The following RIPOR1 variants were observed in gnomAD, a reference collection of about 807,000 sequenced individuals.
RIPOR1 encodes rho family-interacting cell polarization regulator 1.
RIPOR1 carries 58 observed loss-of-function variants against 116.5 expected under a neutral mutation model. The observed-to-expected ratio is 0.50, with a 90% CI of 0.40 to 0.62. The LOEUF (loss-of-function observed/expected upper bound fraction) is 0.62. RIPOR1 is among the 20% of genes least tolerant of loss of function. The probability of loss-of-function intolerance (pLI) is 0.00; values close to 1 mark genes in which losing one functional copy is unlikely to be tolerated. For missense variants in RIPOR1, 1,372 were observed against 1,586.2 expected, an observed-to-expected ratio of 0.86 and a Z score of 2.29; for synonymous variants, 605 against 650.0, an observed-to-expected ratio of 0.93 and a Z score of 1.05.
intron 1 of RIPOR1, among the ~76,000 whole-genome samples, chr16:67,518,982 G>C (rs1466234328): frequency 6.6e-6 from 1 of 152,202 alleles, no homozygotes; most frequent in Non-Finnish European, 1.5e-5. Context: ...AAGAGGAAAA[G>C]GCATTCAACT....
In RIPOR1 at chr16:67,545,907, C is replaced by A; in HGVS notation, c.3388-42C>A. ...TGAGGGCGAGGGCTGGGGTCCTGGA[C>A]TCCCACTGTCTGGCTAAGTCTGTCC... On this transcript the variant is annotated intron_variant, in intron 19 of 21. Transcript: ENST00000042381. This position sits in a 1 kb window ranked among gnomAD's most constrained non-coding sequence, Gnocchi z 4.8. The A allele has an allele frequency of 6.2e-7, 1 of 1,613,068 alleles. No homozygotes were observed. The highest frequency in any genetic ancestry group is 8.5e-7 in the Non-Finnish European group (1 of 1,179,430).
intron 1 of RIPOR1, among the ~76,000 whole-genome samples, chr16:67,534,577 AG>A (rs1314971891): frequency 2.0e-5 from 3 of 152,246 alleles, no homozygotes; most frequent in African/African-American, 7.2e-5. Flanking sequence ...GGACATTACC[AG>A]CACCCTGGAA....
chr16:67,538,064 C>A (rs981150557), intron 1 of RIPOR1: 4 of 226,990 alleles, frequency 1.8e-5, no homozygotes, highest in Non-Finnish European at 2.6e-5. Flanking sequence ...GGGGAGGCTG[C>A]CCCGCCCCCG....
chr16:67,522,038 T>C (rs2050498905), intron 1 of RIPOR1, among the ~76,000 whole-genome samples: 1 of 152,092 alleles, frequency 6.6e-6, no homozygotes, highest in African/African-American at 2.4e-5. Context: ...GTTGTTGTTG[T>C]TGTTGTTTGA....
At position 67,544,799 on chromosome 16, in the gene RIPOR1, G is replaced by A. The variant is rs372113627; in HGVS notation, c.2838G>A (p.Arg946=). ...AGGCAGTATGCGAGTTCAGCAGGCG[G>A]TGGGAGATCCCGGCCAGCTCTGCCC... ...VLEAVCEFSR[R]WEIPASSAQE... The change falls in exon 16 of 22, where the codon CGG becomes CGA. Residue 946 remains arginine (R), a synonymous_variant. Coordinates refer to ENST00000042381, the MANE Select transcript of RIPOR1 (RefSeq NM_024519.4). The surrounding 1 kb of genome is among the most constrained non-coding windows in gnomAD (Gnocchi z 5.1). 51 of 1,599,148 alleles carry A rather than the reference G, an allele frequency of 3.2e-5. No individual in the cohort carries two copies. The highest frequency in any genetic ancestry group is 1.7e-4 in the Middle Eastern group (1 of 6,034).
upstream of RIPOR1, among the ~76,000 whole-genome samples, chr16:67,527,339 C>A (rs990443608): frequency 6.6e-6 from 1 of 151,886 alleles, no homozygotes; most frequent in Admixed American, 6.6e-5. Flanking sequence ...GAGCCGAGAT[C>A]ACGCCACTAT....
chr16:67,542,864 A>C lies in RIPOR1; in HGVS notation c.2078A>C (p.His693Pro). 4 of 1,611,650 alleles carry C rather than the reference A, an allele frequency of 2.5e-6. No individual in the cohort carries two copies. Among genetic ancestry groups the C allele is most frequent in the Non-Finnish European group, 3.4e-6 (4 of 1,179,310 alleles). Residue 693 changes from histidine (H) to proline (P), a missense_variant, in exon 13 of 22, where the codon CAC becomes CCC. His to Pro is a moderately conservative substitution (Grantham distance 77). Coordinates refer to ENST00000042381, the MANE Select transcript of RIPOR1 (RefSeq NM_024519.4). The surrounding 1 kb of genome is among the most constrained non-coding windows in gnomAD (Gnocchi z 4.6). The part of the protein sequence containing the change: ...ELATLSSPSK[H>P]SDPTLPGTDS... ...GCTACCCTCTCCAGCCCCTCCAAAC[A>C]CTCAGACCCCACCCTCCCAGGCACT...
chr16:67,533,974 ATTTT>A (rs767462361), intron 1 of RIPOR1, among the ~76,000 whole-genome samples: 4 of 123,418 alleles, frequency 3.2e-5, no homozygotes, highest in South Asian at 2.5e-4. Context: ...CGCCCGGCTA[ATTTT>A]TTTTTTTTTT....
At chr16:67,526,394 G>C (rs549189445), upstream of RIPOR1, among the ~76,000 whole-genome samples, 1 of 152,334 alleles carries the variant, frequency 6.6e-6, no homozygotes, top group South Asian at 2.1e-4. Context: ...CAGATCTCCT[G>C]GGCCTTGGAG....
chr16:67,527,853 C>CAAAA (rs796470899), upstream of RIPOR1, among the ~76,000 whole-genome samples: 1 of 67,638 alleles, frequency 1.5e-5, no homozygotes. Context: ...CACTCTGTCT[C>CAAAA]AAAAAAAAAA....
Position 67,544,195 on chromosome 16 carries a change from T to C in RIPOR1, c.2601-104T>C. The C allele has an allele frequency of 7.0e-7, 1 of 1,438,344 alleles. No homozygotes were observed. Among genetic ancestry groups the C allele is most frequent in the Non-Finnish European group, 9.4e-7 (1 of 1,062,068 alleles). 89.1% of individuals were successfully genotyped at this position (1,438,344 alleles called of 1,614,324 possible). On this transcript the variant is annotated intron_variant, in intron 14 of 21. Coordinates refer to ENST00000042381, the MANE Select transcript of RIPOR1 (RefSeq NM_024519.4). This position sits in a 1 kb window ranked among gnomAD's most constrained non-coding sequence, Gnocchi z 5.1. ...TACCCCACTGTCTGCTGTCGGTGCA[T>C]CATCTTCTTCCTTTCTGGCATGGGG... is the stretch of plus-strand genomic sequence containing the variant.
upstream of RIPOR1, among the ~76,000 whole-genome samples, chr16:67,528,001 T>C (rs2050561210): frequency 6.6e-6 from 1 of 151,792 alleles, no homozygotes; most frequent in Admixed American, 6.6e-5. Flanking sequence ...AGGTCTGACA[T>C]ACATGAGGGC....
chr16:67,527,691 ATG>A (rs2050555990), upstream of RIPOR1, among the ~76,000 whole-genome samples: 1 of 152,114 alleles, frequency 6.6e-6, no homozygotes, highest in Admixed American at 6.5e-5. Context: ...CCTGGCTAAC[ATG>A]GTGAAACCCC....
Position 67,538,426 on chromosome 16 carries a change from A to T in RIPOR1, c.-21A>T. 2 of 1,578,832 alleles carry T rather than the reference A, an allele frequency of 1.3e-6. No individual in the cohort carries two copies. Among genetic ancestry groups the T allele is most frequent in the South Asian group, 2.3e-5 (2 of 87,192 alleles). ...GACACCCCCCCGATCACCCGCAGGG[A>T]GCCCCGCGCGGACTCACTCTATGAT... On this transcript the variant is annotated splice_region_variant and 5_prime_UTR_variant, in exon 2 of 22. Transcript: ENST00000042381.
At position 67,540,016 on chromosome 16, in the gene RIPOR1, C is replaced by T; in HGVS notation, c.415-37C>T. The T allele has an allele frequency of 6.2e-7, 1 of 1,613,950 alleles. No homozygotes were observed. Among genetic ancestry groups the T allele is most frequent in the East Asian group, 2.2e-5 (1 of 44,878 alleles). ...GAGGTGAGTAACCCCAGAGGTGAGT[C>T]TCAGTCCCCCTACTGTCACCCCACT... On this transcript the variant is annotated intron_variant, in intron 6 of 21. Transcript: ENST00000042381. The surrounding 1 kb of genome is among the most constrained non-coding windows in gnomAD (Gnocchi z 4.7).
Position 67,544,988 on chromosome 16 carries a change from C to T in RIPOR1, c.2902C>T (p.Leu968=). 1 of 1,613,340 alleles carries T rather than the reference C, an allele frequency of 6.2e-7. No homozygotes were observed. Among genetic ancestry groups the T allele is most frequent in the Non-Finnish European group, 8.5e-7 (1 of 1,180,022 alleles). ...VQFSASRPGF[L]TFWDQCTERL... is the part of the protein sequence containing the mutation. ...GTTCTCGGCCTCTCGGCCTGGCTTC[C>T]TGACCTTCTGGGACCAGTGCACAGA... Residue 968 remains leucine, a synonymous_variant, in exon 17 of 22, where the codon CTG becomes TTG. Coordinates refer to ENST00000042381, the MANE Select transcript of RIPOR1 (RefSeq NM_024519.4). This position sits in a 1 kb window ranked among gnomAD's most constrained non-coding sequence, Gnocchi z 5.1.
At chr16:67,533,784 A>T (rs1393390051) in intron 1 of RIPOR1, among the ~76,000 whole-genome samples, 1 of 147,832 alleles carries the variant, frequency 6.8e-6, no homozygotes, top group Non-Finnish European at 1.5e-5. Flanking sequence ...CTGGACAAAG[A>T]CAGAAGGTCC....
chr16:67,545,858 A>G lies in RIPOR1; in HGVS notation c.3385A>G (p.Arg1129Gly). The G allele has an allele frequency of 6.2e-7, 1 of 1,607,142 alleles. No individual in the cohort carries two copies. Among genetic ancestry groups the G allele is most frequent in the Non-Finnish European group, 8.5e-7 (1 of 1,175,956 alleles). The change falls in exon 19 of 22, where the codon AGG becomes GGG. Residue 1129 changes from arginine (R) to glycine (G), a missense_variant and splice_region_variant. Around this residue, in one of 3 missense-constraint regions of RIPOR1, gnomAD observed 1,005 missense variants for 1,144.7 expected, o/e 0.88. Transcript: ENST00000042381. The surrounding 1 kb of genome is among the most constrained non-coding windows in gnomAD (Gnocchi z 4.8). ...SLSLGPTFRE[R>G]ALLCFLDQLE... The stretch of plus-strand genomic sequence containing the variant: ...GTCACTGGGCCCTACCTTCCGGGAG[A>G]GGGTGAGTTGGACAGGGCTCCCTTG...
chr16:67,527,636 G>C (rs2050554772), upstream of RIPOR1, among the ~76,000 whole-genome samples: 1 of 151,798 alleles, frequency 6.6e-6, no homozygotes, highest in African/African-American at 2.4e-5. Flanking sequence ...CAGCACTTTG[G>C]GAGGCCAAGG....
Sources: allele counts gnomAD v4.1 joint callset (sites outside exome capture counted in the v4.1 genomes callset), GRCh38; gene constraint gnomAD v4.1.1; regional missense constraint gnomAD v4.1.1; non-coding constraint Gnocchi (gnomAD v3.1); transcripts MANE v1.5; gene names NCBI Gene and HGNC (gene_info 2026-07-23, HGNC 2026-07-21).